Variants in VSNL1 observed in about 807,000 individuals in gnomAD.
The protein encoded by VSNL1 is visinin-like protein 1.
In VSNL1, 6 loss-of-function variants were observed where a neutral mutation model predicts 20.4. That is an observed-to-expected ratio of 0.29 (90% CI 0.16 to 0.58). VSNL1 has a LOEUF of 0.58. Among genes scored for constraint, VSNL1 ranks in the 20% least tolerant of loss-of-function variants. VSNL1 has a pLI of 0.90. For synonymous variants in VSNL1, 93 were observed against 86.4 expected, an observed-to-expected ratio of 1.08 and a Z score of -0.42; for missense variants, 100 against 234.5, an observed-to-expected ratio of 0.43 and a Z score of 3.75.
chr2:17,585,800 C>CTT (rs1383820699), intron 1 of VSNL1, among the ~76,000 whole-genome samples: 27 of 148,282 alleles, frequency 1.8e-4, no homozygotes, highest in African/African-American at 3.8e-4. Context: ...TCTTGGAATT[C>CTT]TTTTTTTCTT....
intron 2 of VSNL1, among the ~76,000 whole-genome samples, chr2:17,636,327 G>A (rs1194397989): frequency 6.6e-6 from 1 of 152,120 alleles, no homozygotes; most frequent in Admixed American, 6.5e-5. Context: ...GCAGGAAAAG[G>A]CTGCAGCCTG....
At chr2:17,618,680 T>C (rs1345325575) in intron 2 of VSNL1, among the ~76,000 whole-genome samples, 1 of 152,184 alleles carries the variant, frequency 6.6e-6, no homozygotes, top group Non-Finnish European at 1.5e-5. Context: ...GTAATAATAA[T>C]ATTTCCGACA....
chr2:17,647,769 T>C (rs182025882), intron 2 of VSNL1, among the ~76,000 whole-genome samples: 205 of 152,266 alleles, frequency 1.3e-3, no homozygotes, highest in Admixed American at 3.0e-3. Context: ...CATGACCAAG[T>C]CAATTTTGAG....
At chr2:17,639,050 T>C (rs73921013) in intron 2 of VSNL1, among the ~76,000 whole-genome samples, 2,037 of 152,288 alleles carry the variant, frequency 0.013, 24 homozygotes, top group African/African-American at 0.031. Flanking sequence ...AAATAAGCCC[T>C]CCCAGATTCC....
At chr2:17,647,335 G>A (rs530201563) in intron 2 of VSNL1, among the ~76,000 whole-genome samples, 89 of 152,228 alleles carry the variant, frequency 5.8e-4, no homozygotes, top group African/African-American at 1.5e-3. Context: ...AAATGCTGGC[G>A]GGTAAACAGC....
intron 2 of VSNL1, among the ~76,000 whole-genome samples, chr2:17,606,593 A>T (rs1664949366): frequency 6.6e-6 from 1 of 152,156 alleles, no homozygotes; most frequent in African/African-American, 2.4e-5. Flanking sequence ...CACCATGAGG[A>T]ATTACAACTT....
chr2:17,547,327 GTTATCC>G (rs1393327713), intron 1 of VSNL1, among the ~76,000 whole-genome samples: 7 of 152,116 alleles, frequency 4.6e-5, no homozygotes, highest in South Asian at 2.1e-4. Flanking sequence ...ATAAATAATA[GTTATCC>G]TTATCATTAG....
At chr2:17,570,901 G>T (rs1664066007) in intron 1 of VSNL1, among the ~76,000 whole-genome samples, 1 of 152,084 alleles carries the variant, frequency 6.6e-6, no homozygotes, top group Non-Finnish European at 1.5e-5. Context: ...CAGGTGCGGT[G>T]GTGGCGCCTG....
chr2:17,648,735 C>T (rs540394445), intron 2 of VSNL1, among the ~76,000 whole-genome samples: 33 of 152,324 alleles, frequency 2.2e-4, no homozygotes, highest in African/African-American at 7.7e-4. Context: ...CCCTTTCCTC[C>T]TTGTGTCCAT....
At chr2:17,640,949 G>A (rs1665869756) in intron 2 of VSNL1, among the ~76,000 whole-genome samples, 1 of 152,166 alleles carries the variant, frequency 6.6e-6, no homozygotes, top group African/African-American at 2.4e-5. Context: ...CTGTAATTTT[G>A]TATCAAATGT....
chr2:17,564,536 A>C (rs1022744698), intron 1 of VSNL1, among the ~76,000 whole-genome samples: 1 of 152,206 alleles, frequency 6.6e-6, no homozygotes, highest in African/African-American at 2.4e-5. Context: ...AATGGCAGAA[A>C]ACCAGATGAC....
intron 1 of VSNL1, among the ~76,000 whole-genome samples, chr2:17,550,241 G>C (rs1334987481): frequency 1.3e-5 from 2 of 152,112 alleles, no homozygotes; most frequent in Non-Finnish European, 2.9e-5. Context: ...TATGTCCCCT[G>C]TCTTCTCCCC....
intron 1 of VSNL1, among the ~76,000 whole-genome samples, chr2:17,573,573 A>C (rs1042157463): frequency 1.3e-5 from 2 of 152,230 alleles, no homozygotes; most frequent in African/African-American, 4.8e-5. Flanking sequence ...ATGGAGCAAC[A>C]TAGGCTGACT....
chr2:17,595,755 T>C (rs1572354652), intron 2 of VSNL1, among the ~76,000 whole-genome samples: 1 of 152,002 alleles, frequency 6.6e-6, no homozygotes, highest in East Asian at 1.9e-4. Flanking sequence ...CACAGAGACA[T>C]ACATAGGAAA....
Position 17,565,475 on chromosome 2 carries a change from C to A in VSNL1, c.-6+24557C>A, listed in dbSNP as rs556342117. Among the ~76,000 whole-genome samples the A allele has an allele frequency of 2.6e-5, 4 of 152,136 alleles. No individual in the cohort carries two copies. In the East Asian group the frequency reaches 7.7e-4, roughly 29 times the overall value. ...TTTTATTTTTACTTAATATGTAGAT[C>A]TATACAGTATCATTTTTGATATTTA... On this transcript the variant is annotated intron_variant, in intron 1 of 3. Transcript: ENST00000295156.
At chr2:17,606,857 C>T (rs1664957184) in intron 2 of VSNL1, among the ~76,000 whole-genome samples, 1 of 152,142 alleles carries the variant, frequency 6.6e-6, no homozygotes, top group African/African-American at 2.4e-5. Context: ...CAAAAGGGAT[C>T]TGAGAAAAGG....
In VSNL1 at chr2:17,585,187, G is replaced by A. The variant is rs1430833515; in HGVS notation, c.-5-6883G>A. On this transcript the variant is annotated intron_variant, in intron 1 of 3. Transcript: ENST00000295156. ...AGGTTTTGAGGTAATGTCATCAGAG[G>A]ATGCTGTAAGAAGGGATTTCTGTTC... Among the ~76,000 whole-genome samples the A allele has an allele frequency of 2.6e-5, 4 of 152,138 alleles. No individual in the cohort carries two copies. The East Asian group carries it at 7.7e-4, about 29-fold the overall frequency.
At chr2:17,636,040 G>C in intron 2 of VSNL1, among the ~76,000 whole-genome samples, 1 of 151,154 alleles carries the variant, frequency 6.6e-6, no homozygotes, top group Admixed American at 6.6e-5. Flanking sequence ...GTGGGGGCGG[G>C]TGTCAGGATT....
chr2:17,615,149 T>G (rs2103396926), intron 2 of VSNL1, among the ~76,000 whole-genome samples: 1 of 152,274 alleles, frequency 6.6e-6, no homozygotes, highest in South Asian at 2.1e-4. Flanking sequence ...CCCTATATAT[T>G]AATAGAAAGA....
Sources: allele counts gnomAD v4.1 joint callset (sites outside exome capture counted in the v4.1 genomes callset), GRCh38; gene constraint gnomAD v4.1.1; transcripts MANE v1.5; gene names NCBI Gene and HGNC (gene_info 2026-07-23, HGNC 2026-07-21).